Variants in C14orf39 observed in about 807,000 individuals in gnomAD.
The protein encoded by C14orf39 is protein SIX6OS1.
In C14orf39, 66 loss-of-function variants were observed where a neutral mutation model predicts 85.6. The observed-to-expected ratio is 0.77, with a 90% CI of 0.63 to 0.95. The LOEUF (loss-of-function observed/expected upper bound fraction) is 0.95. Ranked by LOEUF, C14orf39 falls within the 40% of genes least tolerant of loss-of-function variation. C14orf39 has a pLI of 0.00. For synonymous variants in C14orf39, 242 were observed against 214.0 expected (o/e 1.13, Z -1.14); for missense variants, 735 against 663.9 (o/e 1.11, Z -1.18).
chr14:60,500,267 T>C (rs1241202612), intron 1 of C14orf39, among the ~76,000 whole-genome samples: 1 of 152,160 alleles, frequency 6.6e-6, no homozygotes, highest in Non-Finnish European at 1.5e-5. Flanking sequence ...CCTCAGGTGA[T>C]CCACCCACCT....
At chr14:60,495,643 A>C (rs1400076385) in intron 2 of C14orf39, 1 of 196,542 alleles carries the variant, frequency 5.1e-6, no homozygotes, top group East Asian at 1.3e-4. Context: ...CTATGAAAGC[A>C]CACCTTGGAT....
chr14:60,468,544 G>C lies in C14orf39; in HGVS notation c.676-8C>G, dbSNP rs1304271616. 6.6e-7 allele frequency: 1 copy of C among 1,505,524 alleles called. No individual in the cohort carries two copies. The highest frequency in any genetic ancestry group is 1.4e-5 in the African/African-American group (1 of 70,738). 93.3% of individuals were successfully genotyped at this position (1,505,524 alleles called of 1,614,324 possible). The stretch of plus-strand genomic sequence containing the variant: ...ATTATGCCTAGATATCTGCTAAAAA[G>C]ACAATTGGGAACACAAAACAAAATA... On this transcript the variant is annotated splice_polypyrimidine_tract_variant and splice_region_variant and intron_variant, in intron 8 of 17. Transcript: ENST00000321731.
At position 60,515,338 on chromosome 14, in the gene C14orf39, C is replaced by G. The variant is rs1001195825; in HGVS notation, c.-144+57G>C. 1 of 151,776 alleles carries G rather than the reference C, an allele frequency of 6.6e-6. No homozygotes were observed. The highest frequency in any genetic ancestry group is 2.4e-5 in the African/African-American group (1 of 41,456). The allele number at this position is 151,776 out of a possible 1,614,324, so 9.4% of individuals were successfully genotyped here. ...TTACTCGGGGGCCCAGATCTCCCCA[C>G]GGAGGCCACAGATCTGGGTCCCCGA... On this transcript the variant is annotated intron_variant, in intron 1 of 5. Coordinates refer to the C14orf39 transcript ENST00000556799. This position sits in a 1 kb window ranked among gnomAD's most constrained non-coding sequence, Gnocchi z 6.2.
chr14:60,479,289 T>C (rs952649780), intron 4 of C14orf39, among the ~76,000 whole-genome samples: 3 of 152,184 alleles, frequency 2.0e-5, no homozygotes, highest in Non-Finnish European at 4.4e-5. Context: ...TTAGAAAATA[T>C]TCTCCAAAAT....
Position 60,475,744 on chromosome 14 carries a change from T to C in C14orf39, c.323+2556A>G, listed in dbSNP as rs183223891. ...AGCTTGCCAACTCTAATCGAAAACA[T>C]TGAAAATGTTAAATCCAGTTCTTTA... On this transcript the variant is annotated intron_variant, in intron 5 of 17. Coordinates refer to ENST00000321731, the MANE Select transcript of C14orf39 (RefSeq NM_174978.3). Among the ~76,000 whole-genome samples, 4 of 152,282 alleles carry C rather than the reference T, an allele frequency of 2.6e-5. No individual in the cohort carries two copies. In the East Asian group the frequency reaches 5.8e-4, roughly 22 times the overall value.
intron 4 of C14orf39, among the ~76,000 whole-genome samples, chr14:60,481,569 G>A (rs1892639953): frequency 6.6e-6 from 1 of 151,958 alleles, no homozygotes. Flanking sequence ...TTATACTACT[G>A]TACACTCCTA....
At chr14:60,468,795 A>C (rs905804089) in intron 8 of C14orf39, among the ~76,000 whole-genome samples, 5 of 151,594 alleles carry the variant, frequency 3.3e-5, no homozygotes, top group African/African-American at 1.2e-4. Context: ...TTATAAGCAA[A>C]GTAGACATTG....
In C14orf39 at chr14:60,468,481, T is replaced by C; in HGVS notation, c.731A>G (p.Asn244Ser). Residue 244 changes from asparagine (N) to serine (S), a missense_variant, in exon 9 of 18, where the codon AAC (asparagine) becomes AGC (serine). Asn to Ser is a conservative substitution (Grantham distance 46). Coordinates refer to ENST00000321731, the MANE Select transcript of C14orf39 (RefSeq NM_174978.3). Reference sequence around the variant, plus strand: ...TTCTTTTCTGTTTTCTGTATTTTTGTTCTTTTCTTCCAGAGTTTCTGAAAG... The same window carrying C: ...TTCTTTTCTGTTTTCTGTATTTTTGCTCTTTTCTTCCAGAGTTTCTGAAAG... Reference protein sequence around the residue: ...KALSETLEEKNKNTENRKELK... With the variant: ...KALSETLEEKSKNTENRKELK... 1 of 1,599,194 alleles carries C rather than the reference T, an allele frequency of 6.3e-7. No homozygotes were observed. The highest frequency in any genetic ancestry group is 1.7e-5 in the Admixed American group (1 of 58,642).
At chr14:60,511,336 C>T in intron 1 of C14orf39, 3 of 1,484,376 alleles carry the variant, frequency 2.0e-6, no homozygotes, top group Non-Finnish European at 2.8e-6. Flanking sequence ...GATGAGAGAC[C>T]TGCAAATCCA....
chr14:60,436,654 T>C lies in C14orf39; in HGVS notation c.*191A>G, dbSNP rs888104910. Reference sequence around the variant, plus strand: ...GCAAAATCAAAACCAAAATAAATAATGATTAGTTAATAGCACACACAAAAC... The same window carrying C: ...GCAAAATCAAAACCAAAATAAATAACGATTAGTTAATAGCACACACAAAAC... On this transcript the variant is annotated 3_prime_UTR_variant, in exon 18 of 18. Transcript: ENST00000321731. 2 of 395,796 alleles carry C rather than the reference T, an allele frequency of 5.1e-6. No individual in the cohort carries two copies. Among genetic ancestry groups the C allele is most frequent in the Admixed American group, 4.4e-5 (1 of 22,924 alleles). The allele number at this position is 395,796 out of a possible 1,614,324, so 24.5% of individuals were successfully genotyped here.
chr14:60,513,766 T>C (rs975040639), intron 1 of C14orf39, among the ~76,000 whole-genome samples: 5 of 151,936 alleles, frequency 3.3e-5, no homozygotes, highest in African/African-American at 1.2e-4. Context: ...GTCAAGAAAA[T>C]AGGGTAACTA....
At chr14:60,488,170 A>G (rs1892934516), upstream of C14orf39, among the ~76,000 whole-genome samples, 1 of 152,224 alleles carries the variant, frequency 6.6e-6, no homozygotes, top group Non-Finnish European at 1.5e-5. Flanking sequence ...CTTCAATTTA[A>G]CACTAGATTT....
intron 2 of C14orf39, among the ~76,000 whole-genome samples, chr14:60,499,055 A>T (rs763722769): frequency 4.6e-5 from 7 of 152,188 alleles, no homozygotes; most frequent in Admixed American, 2.6e-4. Flanking sequence ...GATCAGTTTA[A>T]CACCAGCCTG....
At chr14:60,498,095 TTTTC>T (rs1294754236) in intron 2 of C14orf39, among the ~76,000 whole-genome samples, 2 of 133,994 alleles carry the variant, frequency 1.5e-5, no homozygotes, top group East Asian at 3.9e-4. Context: ...GTCAATTAAA[TTTTC>T]TTTGTTTAGT....
At chr14:60,460,415 T>A (rs1284388370) in intron 13 of C14orf39, among the ~76,000 whole-genome samples, 1 of 151,844 alleles carries the variant, frequency 6.6e-6, no homozygotes, top group Non-Finnish European at 1.5e-5. Context: ...GTTGGATGAA[T>A]CCTATACTGA....
rs754597609 is a variant in C14orf39, at chr14:60,442,050, G to A, written c.1561+24C>T. 4 of 1,570,276 alleles carry A rather than the reference G, an allele frequency of 2.5e-6. No individual in the cohort carries two copies. The East Asian group carries it at 9.0e-5, about 35-fold the overall frequency. ...ACTAATGAGTTAACATGTTTTTAAA[G>A]GTAGCAAACTTCAAACAACTTACCA... On this transcript the variant is annotated intron_variant, in intron 17 of 17. Transcript: ENST00000321731.
chr14:60,479,795 T>A (rs1297401529), intron 4 of C14orf39, among the ~76,000 whole-genome samples: 1 of 152,276 alleles, frequency 6.6e-6, no homozygotes, highest in South Asian at 2.1e-4. Context: ...TCCATAAATA[T>A]ACACCTATAT....
upstream of C14orf39, among the ~76,000 whole-genome samples, chr14:60,490,740 C>A (rs866917041): frequency 1.4e-4 from 21 of 152,300 alleles, no homozygotes; most frequent in East Asian, 9.6e-4. Context: ...AAACCAAACT[C>A]ATACCACAGA....
chr14:60,459,070 C>T (rs895227296), intron 13 of C14orf39, among the ~76,000 whole-genome samples: 1 of 151,568 alleles, frequency 6.6e-6, no homozygotes, highest in Non-Finnish European at 1.5e-5. Flanking sequence ...CCTTAGTTTG[C>T]TTTATATTGT....
Sources: gnomAD v4.1 joint callset for allele counts (sites outside exome capture counted in the v4.1 genomes callset) on GRCh38, gnomAD v4.1.1 for gene constraint, Gnocchi (gnomAD v3.1) non-coding constraint, MANE v1.5 for transcripts, NCBI Gene and HGNC (gene_info 2026-07-23, HGNC 2026-07-21) for gene names.